Variants in SPACA1 observed in about 807,000 individuals in gnomAD.
The protein encoded by SPACA1 is sperm acrosome membrane-associated protein 1.
Under a neutral mutation model 32.6 loss-of-function variants are expected in SPACA1, and 17 were observed. That is an observed-to-expected ratio of 0.52 (90% confidence interval 0.36 to 0.78). The LOEUF is 0.78. Among genes scored for constraint, SPACA1 ranks in the 30% least tolerant of loss-of-function variants. The pLI, the probability that SPACA1 is intolerant of heterozygous loss-of-function variation, is 0.01. For synonymous variants in SPACA1, 140 were observed against 138.1 expected (o/e 1.01, Z -0.10); for missense variants, 363 against 373.4 (o/e 0.97, Z 0.23).
intron 4 of SPACA1, 122 bp from the exon 5 acceptor site, chr6:88,059,331 A>G (rs1222863646): frequency 8.3e-6 from 7 of 839,572 alleles, no homozygotes; most frequent in South Asian, 4.2e-5. Context: ...CATGTAGATC[A>G]TTAATTACTC....
At chr6:88,051,967 A>G (rs573836402) in intron 1 of SPACA1, among the ~76,000 whole-genome samples, 33 of 152,326 alleles carry the variant, frequency 2.2e-4, no homozygotes, top group African/African-American at 7.7e-4. Context: ...TTAATTAACA[A>G]CTGTGGTCTT....
chr6:88,066,179 C>A lies in SPACA1; in HGVS notation c.732-3C>A. 1 of 1,541,020 alleles carries A rather than the reference C, an allele frequency of 6.5e-7. No homozygotes were observed. The highest frequency in any genetic ancestry group is 8.7e-7 in the Non-Finnish European group (1 of 1,144,934). On this transcript the variant is annotated splice_polypyrimidine_tract_variant and splice_region_variant and intron_variant, in intron 6 of 6. Coordinates refer to ENST00000237201, the MANE Select transcript of SPACA1 (RefSeq NM_030960.3). The stretch of plus-strand genomic sequence containing the variant: ...TGGTTTTGGTTTTTGTTTTTTCTTC[C>A]AGGGCAGCAGTCAAGGCTTTCTGGG...
intron 2 of SPACA1, among the ~76,000 whole-genome samples, 169 bp downstream of exon 2, chr6:88,054,171 CTG>C (rs1353884010): frequency 1.3e-5 from 2 of 151,068 alleles, no homozygotes; most frequent in African/African-American, 4.9e-5. Context: ...TTGCTTTAAA[CTG>C]TAAGATATTT....
Position 88,057,704 on chromosome 6 carries a change from G to T in SPACA1, c.358G>T (p.Asp120Tyr), listed in dbSNP as rs557931381. Residue 120 changes from aspartate to tyrosine, a missense_variant, in exon 3 of 7, where the codon GAT becomes TAT. By Grantham distance (160) the Asp-to-Tyr change is radical (BLOSUM62 -3). Coordinates refer to ENST00000237201, the MANE Select transcript of SPACA1 (RefSeq NM_030960.3). ...VRVEECRGPT[D>Y]CGWGKPISES... ...GGTAGAAGAATGCCGTGGACCAACA[G>T]ATTGTGGCTGTGAGTTGAATTATGT... The T allele has an allele frequency of 6.2e-7, 1 of 1,613,772 alleles. No individual in the cohort carries two copies. Among genetic ancestry groups the T allele is most frequent in the East Asian group, 2.2e-5 (1 of 44,866 alleles).
intron 2 of SPACA1, among the ~76,000 whole-genome samples, chr6:88,054,612 G>A (rs555306052): frequency 1.4e-4 from 21 of 152,198 alleles, no homozygotes; most frequent in African/African-American, 4.3e-4. Context: ...GAAGACCATA[G>A]ATAATTCACA....
chr6:88,066,002 A>G (rs1347505233), intron 6 of SPACA1, among the ~76,000 whole-genome samples, 180 bp from the exon 7 acceptor site: 1 of 151,974 alleles, frequency 6.6e-6, no homozygotes, highest in African/African-American at 2.4e-5. Flanking sequence ...AAATATGTAT[A>G]CAGGTTATAT....
chr6:88,061,691 G>A (rs889857560), intron 5 of SPACA1, among the ~76,000 whole-genome samples: 1 of 151,234 alleles, frequency 6.6e-6, no homozygotes, highest in East Asian at 1.9e-4. Context: ...CAGACTTCTA[G>A]CCTCCAAAAC....
rs199682806 is a variant in SPACA1 at position 88,059,502 on chromosome 6, A to G, written c.524A>G (p.Glu175Gly). 9.9e-6 allele frequency: 16 copies of G among 1,613,316 alleles called. No homozygotes were observed. Among genetic ancestry groups the G allele is most frequent in the Admixed American group, 6.7e-5 (4 of 59,898 alleles). The change falls in exon 5 of 7, where the codon GAA (glutamate) becomes GGA (glycine). Residue 175 changes from glutamate to glycine, a missense_variant. Coordinates refer to ENST00000237201, the MANE Select transcript of SPACA1 (RefSeq NM_030960.3). ...TCAGCAATCCTAGAAGTACGCAAGG[A>G]AAGTCACCCCTTGGCTTTCGAGTGT... Reference protein sequence around the residue: ...NDSAILEVRKESHPLAFECDT... With the variant: ...NDSAILEVRKGSHPLAFECDT...
intron 2 of SPACA1, among the ~76,000 whole-genome samples, chr6:88,056,813 G>A (rs1775816161): frequency 6.6e-6 from 1 of 152,150 alleles, no homozygotes; most frequent in Non-Finnish European, 1.5e-5. Flanking sequence ...TCTCAATTGT[G>A]GTGATGTGAG....
At chr6:88,048,161 G>C in intron 1 of SPACA1, 48 bp downstream of exon 1, 2 of 1,519,148 alleles carry the variant, frequency 1.3e-6, no homozygotes, top group Non-Finnish European at 1.8e-6. Flanking sequence ...CCCTGTTGAC[G>C]GAGCAAAGGC....
chr6:88,050,074 A>T (rs1775706442), intron 1 of SPACA1, among the ~76,000 whole-genome samples: 1 of 152,242 alleles, frequency 6.6e-6, no homozygotes, highest in African/African-American at 2.4e-5. Context: ...TCATTTCTAC[A>T]TAATCTTTTC....
chr6:88,057,110 C>A (rs775181591), intron 2 of SPACA1, among the ~76,000 whole-genome samples: 1 of 151,934 alleles, frequency 6.6e-6, no homozygotes, highest in African/African-American at 2.4e-5. Context: ...ATCAAATCCA[C>A]GAATTTATGG....
chr6:88,063,986 C>T (rs1775936292), intron 5 of SPACA1, 113 bp from the exon 6 acceptor site: 1 of 1,207,812 alleles, frequency 8.3e-7, no homozygotes, highest in African/African-American at 1.6e-5. Context: ...TTTCTCTGCA[C>T]TAAGCATTTC....
chr6:88,048,314 C>T (rs1198712118), intron 1 of SPACA1, among the ~76,000 whole-genome samples: 1 of 152,210 alleles, frequency 6.6e-6, no homozygotes, highest in East Asian at 1.9e-4. Flanking sequence ...CAGCAAGATA[C>T]ACAGATAAGC....
At chr6:88,052,704 G>A (rs1176199288) in intron 1 of SPACA1, among the ~76,000 whole-genome samples, 1 of 152,078 alleles carries the variant, frequency 6.6e-6, no homozygotes, top group Non-Finnish European at 1.5e-5. Flanking sequence ...GGGCATGGTG[G>A]CGTCTGCCTG....
chr6:88,047,552 T>C (rs6917818), upstream of SPACA1, among the ~76,000 whole-genome samples: 5,191 of 152,160 alleles, frequency 0.034, 267 homozygotes, highest in African/African-American at 0.11. Context: ...AGTCGCTCCA[T>C]AAACTGAGGC....
At chr6:88,063,781 C>T (rs1214499619) in intron 5 of SPACA1, among the ~76,000 whole-genome samples, 1 of 152,070 alleles carries the variant, frequency 6.6e-6, no homozygotes, top group Non-Finnish European at 1.5e-5. Flanking sequence ...AGTGTACTGA[C>T]ATTTGCAAAT....
At chr6:88,061,011 A>T (rs894773217) in intron 5 of SPACA1, among the ~76,000 whole-genome samples, 2 of 152,212 alleles carry the variant, frequency 1.3e-5, no homozygotes, top group Non-Finnish European at 2.9e-5. Flanking sequence ...AAAATATTTT[A>T]AAAACACTCC....
At chr6:88,062,142 T>G (rs1261539656) in intron 5 of SPACA1, among the ~76,000 whole-genome samples, 2 of 152,230 alleles carry the variant, frequency 1.3e-5, no homozygotes, top group Non-Finnish European at 2.9e-5. Flanking sequence ...TAGATGTATT[T>G]TCTCTAGCAT....
Sources: gnomAD v4.1 joint callset for allele counts (sites outside exome capture counted in the v4.1 genomes callset) on GRCh38, gnomAD v4.1.1 for gene constraint, MANE v1.5 for transcripts, NCBI Gene and HGNC (gene_info 2026-07-23, HGNC 2026-07-21) for gene names.